Variants in LTBP1 observed in about 807,000 individuals in gnomAD.
The protein encoded by LTBP1 is latent-transforming growth factor beta-binding protein 1.
Under a neutral mutation model 207.6 loss-of-function variants are expected in LTBP1, and 129 were observed. The observed-to-expected ratio is 0.62, with a 90% CI of 0.54 to 0.72. The LOEUF (loss-of-function observed/expected upper bound fraction) is 0.72, where lower values mean the gene tolerates loss of function less well. Ranked by LOEUF, LTBP1 falls within the 30% of genes least tolerant of loss-of-function variation. The probability of loss-of-function intolerance (pLI) is 0.00; values close to 1 mark genes in which losing one functional copy is unlikely to be tolerated. For synonymous variants in LTBP1, 963 were observed against 833.7 expected, an observed-to-expected ratio of 1.16 and a Z score of -2.67; for missense variants, 2,281 against 2,217.2, an observed-to-expected ratio of 1.03 and a Z score of -0.58.
At chr2:33,356,967 G>T (rs536560587) in intron 26 of LTBP1, among the ~76,000 whole-genome samples, 1 of 152,214 alleles carries the variant, frequency 6.6e-6, no homozygotes, top group East Asian at 1.9e-4. Flanking sequence ...TGTTACTCTT[G>T]GGTCATTGTA....
At chr2:33,276,038 C>G in intron 18 of LTBP1, 115 bp downstream of exon 18, 5 of 1,294,518 alleles carry the variant, frequency 3.9e-6, no homozygotes, top group Non-Finnish European at 5.1e-6. Context: ...TTTATCCAAG[C>G]TCTTTCTGCT....
At chr2:33,270,032 T>TCAGC (rs1223015831) in intron 15 of LTBP1, among the ~76,000 whole-genome samples, 1 of 149,936 alleles carries the variant, frequency 6.7e-6, no homozygotes, top group Non-Finnish European at 1.5e-5. Flanking sequence ...TTCTCCTGCC[T>TCAGC]CAGCCTCCCG....
intron 31 of LTBP1, among the ~76,000 whole-genome samples, chr2:33,387,759 A>G (rs2095279770): frequency 6.7e-6 from 1 of 149,086 alleles, no homozygotes; most frequent in Admixed American, 6.7e-5. Context: ...GTATGTTGCA[A>G]GAATAAACAC....
At chr2:33,273,927 A>G in intron 16 of LTBP1, 146 bp downstream of exon 16, 1 of 541,616 alleles carries the variant, frequency 1.8e-6, no homozygotes, top group Non-Finnish European at 2.9e-6. Context: ...AGGGAGCTCA[A>G]AAAAAGGTTT....
intron 3 of LTBP1, among the ~76,000 whole-genome samples, chr2:33,088,450 T>C (rs1166424437): frequency 6.6e-6 from 1 of 151,014 alleles, no homozygotes; most frequent in South Asian, 2.1e-4. Context: ...AGACTCCATC[T>C]CAAAAAAAGA....
chr2:33,275,274 G>A (rs1306416345), intron 17 of LTBP1, among the ~76,000 whole-genome samples, 184 bp downstream of exon 17: 5 of 152,148 alleles, frequency 3.3e-5, no homozygotes, highest in African/African-American at 1.2e-4. Flanking sequence ...CATTTTTGAA[G>A]AAAGAGTGTC....
intron 3 of LTBP1, among the ~76,000 whole-genome samples, chr2:33,069,251 T>A (rs535829001): frequency 1.3e-5 from 2 of 152,238 alleles, no homozygotes; most frequent in East Asian, 3.9e-4. Context: ...GGGAGAAAGA[T>A]GCCCCTGGCT....
In LTBP1 at chr2:32,957,268, G is replaced by C. The variant is rs1199794482; in HGVS notation, c.565+8323G>C. 3.9e-5 allele frequency among the ~76,000 whole-genome samples: 6 copies of C among 152,272 alleles called. No homozygotes were observed. In the East Asian group the frequency reaches 1.2e-3, roughly 29 times the overall value. On this transcript the variant is annotated intron_variant, in intron 2 of 33. Coordinates refer to ENST00000404816, the MANE Select transcript of LTBP1 (RefSeq NM_206943.4). ...ACTTTTTCTTTGCATTCACAACTTG[G>C]CTAGCTGGTGTAAGAGGTCTAGCTC...
intron 20 of LTBP1, among the ~76,000 whole-genome samples, chr2:33,298,416 C>T (rs950316917): frequency 6.6e-6 from 1 of 152,182 alleles, no homozygotes; most frequent in East Asian, 1.9e-4. Context: ...CAGACATCTT[C>T]ACATGGGAAT....
intron 2 of LTBP1, among the ~76,000 whole-genome samples, chr2:33,018,518 AG>A (rs1178174687): frequency 1.3e-5 from 2 of 152,230 alleles, no homozygotes; most frequent in Non-Finnish European, 2.9e-5. Flanking sequence ...AGCCCAGCTC[AG>A]TCCTTGCTGT....
chr2:33,188,539 A>T (rs761515230), intron 6 of LTBP1, 38 bp from the exon 7 acceptor site: 3 of 1,539,346 alleles, frequency 1.9e-6, no homozygotes, highest in African/African-American at 2.7e-5. Flanking sequence ...CCTGTTAGTT[A>T]TTCAGGACTA....
chr2:33,025,246 G>T (rs534085370), intron 3 of LTBP1, among the ~76,000 whole-genome samples: 30 of 152,284 alleles, frequency 2.0e-4, no homozygotes, highest in East Asian at 9.6e-4. Context: ...GAAGTATGCT[G>T]CACTGCTTAA....
intron 20 of LTBP1, among the ~76,000 whole-genome samples, chr2:33,294,923 A>G (rs1403120730): frequency 6.6e-6 from 1 of 151,674 alleles, no homozygotes; most frequent in African/African-American, 2.4e-5. Context: ...TTTAATTGGC[A>G]TGTAATAATT....
At chr2:33,026,633 GA>G (rs1558531215) in intron 3 of LTBP1, among the ~76,000 whole-genome samples, 4 of 151,780 alleles carry the variant, frequency 2.6e-5, no homozygotes, top group Admixed American at 6.6e-5. Context: ...TTATTATGTG[GA>G]AAAAAAAGGC....
At chr2:33,364,399 A>C in intron 30 of LTBP1, 43 bp downstream of exon 30, 4 of 1,566,020 alleles carry the variant, frequency 2.6e-6, no homozygotes, top group Non-Finnish European at 3.5e-6. Flanking sequence ...AATAACTATC[A>C]TAAGATTTTC....
chr2:33,094,028 A>G (rs1201652385), intron 3 of LTBP1, among the ~76,000 whole-genome samples: 2 of 152,214 alleles, frequency 1.3e-5, no homozygotes, highest in Non-Finnish European at 2.9e-5. Flanking sequence ...AACAGGATAA[A>G]TGGGTTCTGG....
intron 4 of LTBP1, among the ~76,000 whole-genome samples, chr2:33,132,609 T>C (rs904471852): frequency 2.0e-5 from 3 of 152,218 alleles, no homozygotes; most frequent in Non-Finnish European, 2.9e-5. Context: ...TAGCATCCTA[T>C]TGGATGTCAT....
At chr2:33,243,553 C>G (rs2092408381) in intron 9 of LTBP1, 109 bp from the exon 10 acceptor site, 1 of 977,454 alleles carries the variant, frequency 1.0e-6, no homozygotes, top group African/African-American at 1.7e-5. Flanking sequence ...CCTTTTTTCA[C>G]TATAACTAAA....
At chr2:33,256,652 C>T (rs1022752796) in intron 11 of LTBP1, among the ~76,000 whole-genome samples, 21 of 143,280 alleles carry the variant, frequency 1.5e-4, no homozygotes, top group African/African-American at 4.4e-4. Context: ...TAAAATATCT[C>T]CTAATATATA....
Sources: allele counts gnomAD v4.1 joint callset (sites outside exome capture counted in the v4.1 genomes callset), GRCh38; gene constraint gnomAD v4.1.1; transcripts MANE v1.5; gene names NCBI Gene and HGNC (gene_info 2026-07-23, HGNC 2026-07-21).